Variants in NRXN1 observed in about 807,000 individuals in gnomAD.
The protein encoded by NRXN1 is neurexin-1.
NRXN1 carries 39 observed loss-of-function variants against 150.9 expected under a neutral mutation model. That is an observed-to-expected ratio of 0.26 (90% CI 0.20 to 0.34). The LOEUF is 0.34. Ranked by LOEUF, NRXN1 falls within the 10% of genes least tolerant of loss-of-function variation. NRXN1 has a pLI of 1.00. For missense variants in NRXN1, 1,815 were observed against 1,949.9 expected, an observed-to-expected ratio of 0.93 and a Z score of 1.30; for synonymous variants, 924 against 757.0, an observed-to-expected ratio of 1.22 and a Z score of -3.62.
intron 2 of NRXN1, among the ~76,000 whole-genome samples, chr2:51,024,595 A>G (rs1285802612): frequency 6.6e-6 from 1 of 152,300 alleles, no homozygotes; most frequent in East Asian, 1.9e-4. Flanking sequence ...GATGAAATTG[A>G]GCTCATTCAA....
At chr2:50,320,050 T>C (rs2075899280) in intron 17 of NRXN1, among the ~76,000 whole-genome samples, 1 of 151,588 alleles carries the variant, frequency 6.6e-6, no homozygotes, top group South Asian at 2.1e-4. Context: ...TCCCTAACTA[T>C]GCCCACCCTC....
intron 17 of NRXN1, among the ~76,000 whole-genome samples, chr2:50,321,417 A>C (rs2076030427): frequency 6.6e-6 from 1 of 152,216 alleles, no homozygotes; most frequent in African/African-American, 2.4e-5. Context: ...AATAAACTGC[A>C]GTTCGTGTCT....
intron 18 of NRXN1, among the ~76,000 whole-genome samples, chr2:50,219,295 CT>C (rs1574556653): frequency 6.6e-6 from 1 of 150,696 alleles, no homozygotes; most frequent in East Asian, 2.0e-4. Context: ...CAAGTATTGT[CT>C]TTTTATGTAT....
chr2:50,481,530 A>G (rs2090455447), intron 15 of NRXN1, among the ~76,000 whole-genome samples: 1 of 152,168 alleles, frequency 6.6e-6, no homozygotes, highest in Non-Finnish European at 1.5e-5. Context: ...TAGATACAGC[A>G]GTTACTTTTC....
intron 17 of NRXN1, among the ~76,000 whole-genome samples, chr2:50,239,719 T>TATATATA (rs2065836346): frequency 1.7e-5 from 2 of 115,016 alleles, no homozygotes; most frequent in African/African-American, 3.3e-5. Context: ...TATATATTTA[T>TATATATA]GACAGAAATA....
At chr2:50,692,015 G>A (rs182116065) in intron 5 of NRXN1, among the ~76,000 whole-genome samples, 3 of 152,226 alleles carry the variant, frequency 2.0e-5, no homozygotes, top group East Asian at 1.9e-4. Context: ...AGGCTGTCTT[G>A]GGGAGATACG....
chr2:50,839,074 T>C (rs998797282), intron 5 of NRXN1, among the ~76,000 whole-genome samples: 2 of 152,282 alleles, frequency 1.3e-5, no homozygotes, highest in Admixed American at 1.3e-4. Context: ...AACTGACAGA[T>C]TGGAAATGCT....
intron 5 of NRXN1, among the ~76,000 whole-genome samples, chr2:50,684,619 CTCTT>C (rs1690948075): frequency 6.6e-6 from 1 of 152,184 alleles, no homozygotes; most frequent in African/African-American, 2.4e-5. Flanking sequence ...CCTCAACTAA[CTCTT>C]TCTGCCTCGA....
At chr2:50,310,842 C>G (rs1387858462) in intron 17 of NRXN1, among the ~76,000 whole-genome samples, 1 of 152,094 alleles carries the variant, frequency 6.6e-6, no homozygotes, top group Non-Finnish European at 1.5e-5. Flanking sequence ...CAGAAAGCAT[C>G]ACATCTTACC....
intron 2 of NRXN1, among the ~76,000 whole-genome samples, chr2:50,932,832 G>T (rs1174490759): frequency 3.9e-5 from 6 of 152,078 alleles, no homozygotes; most frequent in Admixed American, 6.6e-5. Flanking sequence ...TAAGAAGACT[G>T]TGAGAAGACT....
At chr2:50,502,259 A>G (rs927588585) in intron 13 of NRXN1, among the ~76,000 whole-genome samples, 6 of 152,180 alleles carry the variant, frequency 3.9e-5, no homozygotes, top group African/African-American at 1.4e-4. Context: ...GGGAAAAAAT[A>G]AACAATTTAC....
At chr2:50,614,984 A>G (rs371139153) in intron 8 of NRXN1, among the ~76,000 whole-genome samples, 17 of 152,272 alleles carry the variant, frequency 1.1e-4, no homozygotes, top group African/African-American at 2.9e-4. Flanking sequence ...TAAGGAATCA[A>G]TCATTTTTTC....
In NRXN1 at chr2:50,472,485, A is replaced by G. The variant is rs886406243; in HGVS notation, c.3071-14T>C. 2 of 1,605,652 alleles carry G rather than the reference A, an allele frequency of 1.2e-6. No individual in the cohort carries two copies. The highest frequency in any genetic ancestry group is 2.7e-5 in the African/African-American group (2 of 74,516). On this transcript the variant is annotated splice_polypyrimidine_tract_variant and intron_variant, in intron 15 of 22. Transcript: ENST00000401669. Reference sequence around the variant, plus strand: ...TATATAAGTCACCTGCAAGAAGATCAAAGTCTTTGTTACAAAAGTACCATG... The same window carrying G: ...TATATAAGTCACCTGCAAGAAGATCGAAGTCTTTGTTACAAAAGTACCATG...
At chr2:50,815,781 C>T (rs1407706808) in intron 5 of NRXN1, among the ~76,000 whole-genome samples, 1 of 152,122 alleles carries the variant, frequency 6.6e-6, no homozygotes, top group Non-Finnish European at 1.5e-5. Context: ...TATTTTCACG[C>T]TATTTTATCT....
At chr2:50,030,686 A>T (rs773660360) in intron 21 of NRXN1, among the ~76,000 whole-genome samples, 1 of 152,162 alleles carries the variant, frequency 6.6e-6, no homozygotes, top group Non-Finnish European at 1.5e-5. Context: ...ATTCATAGAG[A>T]ATATACAACT....
intron 8 of NRXN1, among the ~76,000 whole-genome samples, chr2:50,618,762 TATA>T (rs558881112): frequency 1.2e-4 from 18 of 149,758 alleles, no homozygotes; most frequent in Middle Eastern, 3.5e-3. Context: ...ATATTAGTAC[TATA>T]ATAATAATAA....
In NRXN1 at chr2:50,497,514, T is replaced by G. The variant is rs574531814; in HGVS notation, c.2698A>C (p.Arg900=). 2.6e-5 allele frequency: 42 copies of G among 1,613,950 alleles called. No homozygotes were observed. In the East Asian group the frequency reaches 6.7e-4, roughly 26 times the overall value. Residue 900 remains arginine, a synonymous_variant, in exon 14 of 23, where the codon AGG becomes CGG. Transcript: ENST00000401669. The part of the protein sequence containing the change: ...YCELNARFGF[R]NIIADPVTFK... ...GTGACAGGATCTGCTATGATGTTCC[T>G]GAAGCCAAATCTGGCATTAAGCTCA...
intron 18 of NRXN1, among the ~76,000 whole-genome samples, chr2:50,135,160 T>A (rs953172398): frequency 6.6e-6 from 1 of 152,342 alleles, no homozygotes; most frequent in Middle Eastern, 3.4e-3. Flanking sequence ...AAATTCTTGA[T>A]AATAAGCAGA....
chr2:50,285,820 A>T (rs1323068656), intron 17 of NRXN1, among the ~76,000 whole-genome samples: 1 of 152,012 alleles, frequency 6.6e-6, no homozygotes, highest in Admixed American at 6.6e-5. Context: ...ACACCTTTCA[A>T]TAAACGGAGT....
Sources: gnomAD v4.1 joint callset for allele counts (sites outside exome capture counted in the v4.1 genomes callset) on GRCh38, gnomAD v4.1.1 for gene constraint, MANE v1.5 for transcripts, NCBI Gene and HGNC (gene_info 2026-07-23, HGNC 2026-07-21) for gene names.